PPP1R9A: variants seen among roughly 807,000 people sequenced by gnomAD.
PPP1R9A encodes the protein protein phosphatase 1 regulatory subunit 9A.
PPP1R9A carries 59 observed loss-of-function variants against 141.9 expected under a neutral mutation model. The observed-to-expected ratio is 0.42, with a 90% confidence interval of 0.34 to 0.52. The LOEUF (loss-of-function observed/expected upper bound fraction) is 0.52, where lower values mean the gene tolerates loss of function less well. Ranked by LOEUF, PPP1R9A falls within the 20% of genes least tolerant of loss-of-function variation. The pLI is 0.10. For missense variants in PPP1R9A, 1,444 were observed against 1,611.9 expected (o/e 0.90, Z 1.78); for synonymous variants, 500 against 569.7 (o/e 0.88, Z 1.74).
chr7:95,151,269 C>T (rs1441846199), intron 4 of PPP1R9A, among the ~76,000 whole-genome samples: 1 of 152,148 alleles, frequency 6.6e-6, no homozygotes, highest in Admixed American at 6.5e-5. Flanking sequence ...GTGGTAGATC[C>T]AGACATTGGA....
At position 95,192,872 on chromosome 7, in the gene PPP1R9A, A is replaced by ATT. The variant is rs372436383; in HGVS notation, c.1755-5477_1755-5476insTT. 8.1e-3 allele frequency among the ~76,000 whole-genome samples: 1,233 copies of ATT among 152,236 alleles called. 11 individuals carry two copies. Among genetic ancestry groups the ATT allele is most frequent in the African/African-American group, 0.028 (1,185 of 41,582 alleles). Reference sequence around the variant, plus strand: ...TTCTCTTTATGCTAGTTGCATATATAATCTTACAGGACATATTTATAAAGA... The same window carrying ATT: ...TTCTCTTTATGCTAGTTGCATATATATTATCTTACAGGACATATTTATAAAGA... On this transcript the variant is annotated intron_variant, in intron 5 of 19. Coordinates refer to ENST00000433360, the MANE Select transcript of PPP1R9A (RefSeq NM_001166160.2).
intron 5 of PPP1R9A, chr7:95,174,922 A>T (rs929113062): frequency 3.3e-5 from 5 of 152,086 alleles, no homozygotes; most frequent in Non-Finnish European, 7.4e-5. Context: ...AAATTCAGTG[A>T]CCTGAAACAA....
chr7:95,000,559 C>G (rs537528057), intron 2 of PPP1R9A, among the ~76,000 whole-genome samples: 16 of 151,456 alleles, frequency 1.1e-4, no homozygotes, highest in African/African-American at 3.6e-4. Context: ...TTTCCTTTTT[C>G]CAGGTGAAAA....
At chr7:95,236,950 A>G (rs1037170573) in intron 8 of PPP1R9A, among the ~76,000 whole-genome samples, 1 of 151,386 alleles carries the variant, frequency 6.6e-6, no homozygotes, top group East Asian at 1.9e-4. Context: ...TTTTCCAGAC[A>G]TGTAGAACTT....
chr7:95,175,110 C>T (rs536601983), intron 5 of PPP1R9A: 1 of 152,260 alleles, frequency 6.6e-6, no homozygotes, highest in East Asian at 1.9e-4. Flanking sequence ...ATCCCGTCAG[C>T]TCTGTATTTT....
intron 2 of PPP1R9A, among the ~76,000 whole-genome samples, chr7:94,975,136 A>T (rs1799284793): frequency 6.6e-6 from 1 of 152,168 alleles, no homozygotes. Context: ...GAAGAATCTT[A>T]GTATATAACA....
At chr7:95,094,368 A>G (rs1817738855) in intron 2 of PPP1R9A, among the ~76,000 whole-genome samples, 2 of 152,246 alleles carry the variant, frequency 1.3e-5, no homozygotes, top group African/African-American at 2.4e-5. Context: ...AAAGTATACA[A>G]AAGAAATGTA....
intron 5 of PPP1R9A, among the ~76,000 whole-genome samples, chr7:95,180,619 A>G (rs1317412108): frequency 1.3e-5 from 2 of 152,146 alleles, no homozygotes; most frequent in Non-Finnish European, 2.9e-5. Context: ...AATCTTTGCC[A>G]TCTACACATC....
chr7:95,099,147 T>C (rs1818426977), intron 2 of PPP1R9A, among the ~76,000 whole-genome samples: 1 of 152,224 alleles, frequency 6.6e-6, no homozygotes, highest in African/African-American at 2.4e-5. Flanking sequence ...GACCAACTGC[T>C]GAGACACATG....
chr7:95,216,460 G>C (rs958540318), intron 7 of PPP1R9A, among the ~76,000 whole-genome samples: 1 of 152,036 alleles, frequency 6.6e-6, no homozygotes, highest in Admixed American at 6.5e-5. Context: ...CTCTTTTTTG[G>C]TTCCGTATGA....
chr7:95,077,744 A>G (rs1401083112), intron 2 of PPP1R9A, among the ~76,000 whole-genome samples: 1 of 152,204 alleles, frequency 6.6e-6, no homozygotes, highest in Non-Finnish European at 1.5e-5. Flanking sequence ...TAACATCTTC[A>G]GCTAAAAACG....
chr7:95,266,893 A>AT (rs915726718), intron 12 of PPP1R9A, among the ~76,000 whole-genome samples: 36 of 152,220 alleles, frequency 2.4e-4, no homozygotes, highest in African/African-American at 8.7e-4. Context: ...ACAAATATAG[A>AT]TTTTATCGGA....
At chr7:95,033,772 CT>C (rs1365784985) in intron 2 of PPP1R9A, among the ~76,000 whole-genome samples, 1 of 151,850 alleles carries the variant, frequency 6.6e-6, no homozygotes, top group African/African-American at 2.4e-5. Flanking sequence ...AAAGTCTGTC[CT>C]TTTTCTGCTT....
At chr7:94,974,584 T>C (rs1398738621) in intron 2 of PPP1R9A, among the ~76,000 whole-genome samples, 2 of 152,168 alleles carry the variant, frequency 1.3e-5, no homozygotes, top group Admixed American at 6.5e-5. Context: ...TAAGAAACAC[T>C]GGGGCAGTGA....
At chr7:95,016,455 A>G (rs1291737647) in intron 2 of PPP1R9A, among the ~76,000 whole-genome samples, 3 of 152,204 alleles carry the variant, frequency 2.0e-5, no homozygotes, top group African/African-American at 7.2e-5. Context: ...TGTAAATGCA[A>G]GAATCTTAAC....
At chr7:95,108,307 CTTTTTTTTTTTTTT>C (rs1166103728) in intron 2 of PPP1R9A, among the ~76,000 whole-genome samples, 4 of 59,616 alleles carry the variant, frequency 6.7e-5, no homozygotes, top group African/African-American at 2.9e-4. Context: ...CGTTTCTTTT[CTTTTTTTTTTTTTT>C]TTTTTTTTTT....
At chr7:95,241,808 G>T (rs34385256) in intron 8 of PPP1R9A, among the ~76,000 whole-genome samples, 12,783 of 152,148 alleles carry the variant, frequency 0.084, 741 homozygotes, top group Non-Finnish European at 0.13. Context: ...CTTTATGGAA[G>T]TTTCCACTAC....
intron 2 of PPP1R9A, among the ~76,000 whole-genome samples, chr7:94,966,221 C>G (rs1191579597): frequency 6.6e-6 from 1 of 152,162 alleles, no homozygotes; most frequent in African/African-American, 2.4e-5. Flanking sequence ...AGATTTTGGG[C>G]TGAGACCCTG....
chr7:95,232,175 C>T (rs1323379988), intron 8 of PPP1R9A, among the ~76,000 whole-genome samples: 2 of 151,764 alleles, frequency 1.3e-5, no homozygotes, highest in Non-Finnish European at 1.5e-5. Context: ...ATACAATCAC[C>T]CTAGATTAAA....
Sources: gnomAD v4.1 joint callset for allele counts (sites outside exome capture counted in the v4.1 genomes callset) on GRCh38, gnomAD v4.1.1 for gene constraint, MANE v1.5 for transcripts, NCBI Gene and HGNC (gene_info 2026-07-23, HGNC 2026-07-21) for gene names.